The following SMIM10L3 variants were observed in gnomAD, a reference collection of about 807,000 sequenced individuals.
SMIM10L3 encodes small integral membrane protein 10 like 3.
the SMIM10L3 span, among the ~76,000 whole-genome samples, chr7:6,343,733 T>C: frequency 6.6e-6 from 1 of 152,064 alleles, no homozygotes; most frequent in Non-Finnish European, 1.5e-5. Context: ...TTTAATCATC[T>C]TTCATCCTAA....
chr7:6,341,653 G>A, the SMIM10L3 span, among the ~76,000 whole-genome samples: 14 of 148,972 alleles, frequency 9.4e-5, no homozygotes, highest in Non-Finnish European at 1.9e-4. Context: ...TCGCGCCACC[G>A]CACTCTAGCC....
At chr7:6,331,042 G>A in the SMIM10L3 span, 1 of 1,613,990 alleles carries the variant, frequency 6.2e-7, no homozygotes, top group South Asian at 1.1e-5. Context: ...TGCAGGCCAA[G>A]GGCCCTCCGG....
the SMIM10L3 span, among the ~76,000 whole-genome samples, chr7:6,334,424 T>C: frequency 1.3e-5 from 2 of 151,704 alleles, no homozygotes; most frequent in Non-Finnish European, 2.9e-5. Flanking sequence ...TAGTCCCTGC[T>C]ACTCGGGAGG....
chr7:6,346,538 G>A, the SMIM10L3 span, among the ~76,000 whole-genome samples: 3,330 of 152,080 alleles, frequency 0.022, 141 homozygotes, highest in African/African-American at 0.077. Flanking sequence ...CGGCCACCAC[G>A]CCCAGCTAAT....
chr7:6,340,617 T>C, the SMIM10L3 span, among the ~76,000 whole-genome samples: 1 of 151,978 alleles, frequency 6.6e-6, no homozygotes, highest in Non-Finnish European at 1.5e-5. Context: ...TAAAAAATTA[T>C]GAGTGCTGGC....
the SMIM10L3 span, among the ~76,000 whole-genome samples, chr7:6,342,350 G>C: frequency 6.6e-6 from 1 of 151,836 alleles, no homozygotes; most frequent in Non-Finnish European, 1.5e-5. Context: ...CTGGAGACCA[G>C]CCCAGCTAAC....
At chr7:6,329,701 C>T in the SMIM10L3 span, 1 of 165,792 alleles carries the variant, frequency 6.0e-6, no homozygotes, top group African/African-American at 2.4e-5. Context: ...GGAAATAACT[C>T]GATTTGCTTC....
the SMIM10L3 span, among the ~76,000 whole-genome samples, chr7:6,340,921 T>C: frequency 1.0e-5 from 1 of 99,266 alleles, no homozygotes; most frequent in Non-Finnish European, 1.9e-5. Flanking sequence ...AAAAAAATTA[T>C]GAAAGCTGTC....
At chr7:6,332,191 C>T in the SMIM10L3 span, among the ~76,000 whole-genome samples, 10 of 152,000 alleles carry the variant, frequency 6.6e-5, 1 homozygote, top group South Asian at 2.1e-3. Context: ...CCTAGTGCAT[C>T]CTTCAGGTTA....
the SMIM10L3 span, among the ~76,000 whole-genome samples, chr7:6,344,851 C>G: frequency 2.0e-5 from 3 of 151,730 alleles, no homozygotes; most frequent in Admixed American, 6.6e-5. Flanking sequence ...AAGTAATTCT[C>G]CTGCCTCAGC....
At chr7:6,330,474 G>T in the SMIM10L3 span, 1 of 1,614,126 alleles carries the variant, frequency 6.2e-7, no homozygotes, top group South Asian at 1.1e-5. Flanking sequence ...GCATTTTCTT[G>T]AATTCTATTG....
At chr7:6,338,686 A>G in the SMIM10L3 span, 1 of 152,358 alleles carries the variant, frequency 6.6e-6, no homozygotes, top group Admixed American at 6.5e-5. Flanking sequence ...GACCTGCCGG[A>G]CAACAATGGC....
chr7:6,330,472 T>C, the SMIM10L3 span: 1 of 1,614,200 alleles, frequency 6.2e-7, no homozygotes, highest in Non-Finnish European at 8.5e-7. Flanking sequence ...AAGCATTTTC[T>C]TGAATTCTAT....
the SMIM10L3 span, among the ~76,000 whole-genome samples, chr7:6,334,519 G>A: frequency 6.6e-6 from 1 of 152,060 alleles, no homozygotes; most frequent in South Asian, 2.1e-4. Flanking sequence ...CCAGACTGAA[G>A]TGCAGTGGCA....
the SMIM10L3 span, chr7:6,330,261 C>A: frequency 1.9e-6 from 2 of 1,080,074 alleles, no homozygotes; most frequent in African/African-American, 3.2e-5. Context: ...CCAGGTCGTA[C>A]AAAACTACAG....
At chr7:6,334,630 C>G in the SMIM10L3 span, among the ~76,000 whole-genome samples, 1 of 151,940 alleles carries the variant, frequency 6.6e-6, no homozygotes, top group Non-Finnish European at 1.5e-5. Flanking sequence ...CCACGCCCGG[C>G]TAATTTTTTA....
the SMIM10L3 span, chr7:6,331,278 T>C: frequency 1.0e-6 from 1 of 969,376 alleles, no homozygotes; most frequent in East Asian, 2.6e-5. Flanking sequence ...TGAAGACACA[T>C]GGGTCTTAAG....
the SMIM10L3 span, among the ~76,000 whole-genome samples, chr7:6,343,726 A>C: frequency 6.6e-6 from 1 of 152,052 alleles, no homozygotes; most frequent in African/African-American, 2.4e-5. Flanking sequence ...TTTCTCATTT[A>C]ATCATCTTTC....
chr7:6,344,563 C>G, the SMIM10L3 span, among the ~76,000 whole-genome samples: 2 of 152,034 alleles, frequency 1.3e-5, no homozygotes, highest in South Asian at 2.1e-4. Context: ...GGACTATAGG[C>G]ATGCACCACC....
Sources: gnomAD v4.1 joint callset for allele counts (sites outside exome capture counted in the v4.1 genomes callset) on GRCh38, gnomAD v4.1.1 for gene constraint, MANE v1.5 for transcripts, NCBI Gene and HGNC (gene_info 2026-07-23, HGNC 2026-07-21) for gene names.